The following VSTM1 variants were observed in gnomAD, a reference collection of about 807,000 sequenced individuals.
VSTM1 encodes the protein V-set and transmembrane domain containing 1, also known as V-set and transmembrane domain-containing protein 1.
Under a neutral mutation model 33.1 loss-of-function variants are expected in VSTM1, and 27 were observed. That is an observed-to-expected ratio of 0.82 (90% CI 0.60 to 1.12). VSTM1 has a LOEUF of 1.12. VSTM1 is among the 50% of genes most tolerant of loss of function. The probability of loss-of-function intolerance (pLI) is 0.00; values close to 1 mark genes in which losing one functional copy is unlikely to be tolerated. For missense variants in VSTM1, 304 were observed against 288.9 expected (o/e 1.05, Z -0.38); for synonymous variants, 115 against 110.3 (o/e 1.04, Z -0.27).
At chr19:54,047,621 G>A (rs745691574) in intron 4 of VSTM1, among the ~76,000 whole-genome samples, 6 of 152,066 alleles carry the variant, frequency 3.9e-5, no homozygotes. Flanking sequence ...GCATCTCCAA[G>A]GACTTATGAA....
At chr19:54,061,565 T>G (rs1012098465) in intron 1 of VSTM1, among the ~76,000 whole-genome samples, 2 of 152,094 alleles carry the variant, frequency 1.3e-5, no homozygotes, top group Non-Finnish European at 2.9e-5. Flanking sequence ...GCAATCATAG[T>G]GCTTTGGGAT....
Position 54,046,719 on chromosome 19 carries a change from C to T in VSTM1, c.395-4350G>A, listed in dbSNP as rs79050200. Among the ~76,000 whole-genome samples, 714 of 152,152 alleles carry T rather than the reference C, an allele frequency of 4.7e-3. 6 individuals are homozygous for T. Among genetic ancestry groups the T allele is most frequent in the African/African-American group, 0.017 (686 of 41,504 alleles). On this transcript the variant is annotated intron_variant, in intron 4 of 8. Coordinates refer to ENST00000338372, the MANE Select transcript of VSTM1 (RefSeq NM_198481.4). ...AGAACTCCAAATGCCTTGGAATTTA[C>T]ATGCCCGGGACAAACTGCCACTGAC...
chr19:54,056,679 T>C (rs1452884747), intron 3 of VSTM1, among the ~76,000 whole-genome samples: 3 of 140,204 alleles, frequency 2.1e-5, no homozygotes, highest in Non-Finnish European at 4.7e-5. Context: ...ATCTTTTCCA[T>C]GGCAATCATC....
At chr19:54,052,343 A>AATTGTGTTCAT (rs2070891831) in intron 3 of VSTM1, among the ~76,000 whole-genome samples, 2 of 139,786 alleles carry the variant, frequency 1.4e-5, no homozygotes, top group South Asian at 2.4e-4. Context: ...GCTTGCAGTG[A>AATTGTGTTCAT]GCCGAGATCG....
At position 54,041,214 on chromosome 19, in the gene VSTM1, A is replaced by G. The variant is rs1389049303; in HGVS notation, c.592-134T>C. 7.8e-6 allele frequency: 7 copies of G among 892,892 alleles called. No individual in the cohort carries two copies. The African/African-American group carries it at 1.2e-4, about 16-fold the overall frequency. The allele number at this position is 892,892 out of a possible 1,614,324, so 55.3% of individuals were successfully genotyped here. On this transcript the variant is annotated intron_variant, in intron 8 of 8. Transcript: ENST00000338372. ...CCAGGTCCTCGGTCACACCAGATGC[A>G]TTTCTTTTTCTTTTCTGTTTTTATA... is the stretch of plus-strand genomic sequence containing the variant.
At chr19:54,042,821 TATATATATATATATATAC>T (rs1316561602) in intron 4 of VSTM1, among the ~76,000 whole-genome samples, 6 of 50,340 alleles carry the variant, frequency 1.2e-4, no homozygotes, top group East Asian at 1.1e-3. Context: ...TATATATATA[TATATATATATATATATAC>T]ATATATATAT....
rs1054803671 is a variant in VSTM1, at chr19:54,054,622, A to C, written c.356-3174T>G. On this transcript the variant is annotated intron_variant, in intron 3 of 8. Coordinates refer to ENST00000338372, the MANE Select transcript of VSTM1 (RefSeq NM_198481.4). ...GAGAGGTATTGTTTAGTGACTAATA[A>C]ATGAATGGATGAATGGATGGATGGA... Among the ~76,000 whole-genome samples the C allele has an allele frequency of 5.5e-5, 7 of 128,008 alleles. 2 individuals are homozygous for C. Among genetic ancestry groups the C allele is most frequent in the Non-Finnish European group, 1.2e-4 (7 of 57,082 alleles). The allele number at this position is 128,008 out of a possible 152,430, so 84.0% of individuals were successfully genotyped here. A position where few individuals can be genotyped will look rare whatever the true frequency, so the allele number is the denominator to read the frequency against.
chr19:54,045,934 A>G (rs933864327), intron 4 of VSTM1, among the ~76,000 whole-genome samples: 1 of 152,080 alleles, frequency 6.6e-6, no homozygotes, highest in African/African-American at 2.4e-5. Flanking sequence ...CTAGTTATCT[A>G]TCATCTAGCT....
chr19:54,048,363 G>C (rs1361858413), intron 4 of VSTM1: 1 of 399,272 alleles, frequency 2.5e-6, no homozygotes, highest in Non-Finnish European at 5.1e-6. Flanking sequence ...TGATCCTCCT[G>C]CCTCATCTTC....
intron 4 of VSTM1, among the ~76,000 whole-genome samples, chr19:54,044,893 C>G (rs150888529): frequency 2.0e-5 from 3 of 151,980 alleles, no homozygotes; most frequent in Non-Finnish European, 4.4e-5. Flanking sequence ...TCAAGAAACA[C>G]AAGTCGTGAG....
In VSTM1 at chr19:54,040,929, C is replaced by T. The variant is rs1306971175; in HGVS notation, c.*32G>A. ...CCGATAACCTTGGCCAGCACGATCC[C>T]CCCTCCTTTAGTGGCCAGGGCTGTC... On this transcript the variant is annotated 3_prime_UTR_variant, in exon 9 of 9. Coordinates refer to ENST00000338372, the MANE Select transcript of VSTM1 (RefSeq NM_198481.4). 3.7e-6 allele frequency: 6 copies of T among 1,603,350 alleles called. No homozygotes were observed. In the African/African-American group the frequency reaches 6.8e-5, roughly 18 times the overall value.
chr19:54,041,611 C>A (rs35205702), intron 8 of VSTM1, among the ~76,000 whole-genome samples, 168 bp downstream of exon 8: 20,262 of 151,984 alleles, frequency 0.13, 1,439 homozygotes, highest in Middle Eastern at 0.21. Context: ...CATGCATAAG[C>A]CTTTTAAATG....
chr19:54,061,745 T>C (rs2071403333), intron 1 of VSTM1, among the ~76,000 whole-genome samples: 1 of 151,816 alleles, frequency 6.6e-6, no homozygotes, highest in Non-Finnish European at 1.5e-5. Context: ...GCTCAGGAGG[T>C]TGAGGCTGCA....
chr19:54,063,875 G>A lies in VSTM1; in HGVS notation c.-98C>T, dbSNP rs1038734883. The A allele has an allele frequency of 1.0e-5, 14 of 1,375,624 alleles. No homozygotes were observed. Among genetic ancestry groups the A allele is most frequent in the South Asian group, 3.9e-5 (3 of 76,908 alleles). 85.2% of individuals were successfully genotyped at this position (1,375,624 alleles called of 1,614,324 possible). A position where few individuals can be genotyped will look rare whatever the true frequency, so the allele number is the denominator to read the frequency against. On this transcript the variant is annotated 5_prime_UTR_variant, in exon 1 of 9. In the 5' UTR this introduces an upstream ATG that the reference lacks. Coordinates refer to ENST00000338372, the MANE Select transcript of VSTM1 (RefSeq NM_198481.4). ...CCGCAGCTCTCCGGCTGCCCGGTTC[G>A]TCCCCAGGATGTGCAGATAGAGGAG... is the stretch of plus-strand genomic sequence containing the variant.
intron 1 of VSTM1, 77 bp from the exon 2 acceptor site, chr19:54,058,809 G>C (rs2071239754): frequency 8.9e-7 from 1 of 1,124,124 alleles, no homozygotes; most frequent in Admixed American, 1.8e-5. Flanking sequence ...CGTATGACTA[G>C]CTCTTTATAG....
At chr19:54,047,006 A>T (rs1359913506) in intron 4 of VSTM1, among the ~76,000 whole-genome samples, 1 of 151,944 alleles carries the variant, frequency 6.6e-6, no homozygotes, top group Non-Finnish European at 1.5e-5. Flanking sequence ...GACCAGCCTG[A>T]CCAACATGGA....
chr19:54,063,156 G>C (rs1252806649), intron 1 of VSTM1, among the ~76,000 whole-genome samples: 3 of 151,986 alleles, frequency 2.0e-5, no homozygotes, highest in Admixed American at 6.6e-5. Flanking sequence ...TGACCAACAT[G>C]GTGAAACCCC....
intron 1 of VSTM1, among the ~76,000 whole-genome samples, chr19:54,061,070 G>A (rs1285143759): frequency 2.7e-5 from 4 of 147,296 alleles, no homozygotes; most frequent in African/African-American, 1.0e-4. Flanking sequence ...CAGGCTGGAG[G>A]GCAGCGGTGC....
At chr19:54,044,414 G>C (rs1465333026) in intron 4 of VSTM1, among the ~76,000 whole-genome samples, 3 of 152,046 alleles carry the variant, frequency 2.0e-5, no homozygotes, top group Admixed American at 2.0e-4. Flanking sequence ...TAAAAAATAA[G>C]CTGGGCATGG....
Sources: gnomAD v4.1 joint callset for allele counts (sites outside exome capture counted in the v4.1 genomes callset) on GRCh38, gnomAD v4.1.1 for gene constraint, MANE v1.5 for transcripts, NCBI Gene and HGNC (gene_info 2026-07-23, HGNC 2026-07-21) for gene names.